The following PHACTR2 variants were observed in gnomAD, a reference collection of about 807,000 sequenced individuals.
The protein encoded by PHACTR2 is phosphatase and actin regulator 2, also known as chromosome 6 open reading frame 56.
In PHACTR2, 30 loss-of-function variants were observed where a neutral mutation model predicts 76.0. The observed-to-expected ratio is 0.39, with a 90% CI of 0.30 to 0.54. PHACTR2 has a LOEUF of 0.54. Ranked by LOEUF, PHACTR2 falls within the 20% of genes least tolerant of loss-of-function variation. The pLI is 0.61. For missense variants in PHACTR2, 696 were observed against 781.1 expected (o/e 0.89, Z 1.30); for synonymous variants, 292 against 292.5 (o/e 1.00, Z 0.02).
upstream of PHACTR2, chr6:143,608,161 G>A (rs188267455): frequency 1.2e-5 from 9 of 739,538 alleles, no homozygotes; most frequent in Non-Finnish European, 2.2e-5. This position sits in a 1 kb window ranked among gnomAD's most constrained non-coding sequence, Gnocchi z 4.6. Flanking sequence ...TAAATTTCCT[G>A]GCGGTGTCTC....
Position 143,727,714 on chromosome 6 carries a change from T to C in PHACTR2, c.214+15531T>C, listed in dbSNP as rs528861868. Among the ~76,000 whole-genome samples, 6 of 152,318 alleles carry C rather than the reference T, an allele frequency of 3.9e-5. No homozygotes were observed. In the East Asian group the frequency reaches 1.2e-3, roughly 29 times the overall value. ...TTTGCATTTCCCTGATGATTAGTGG[T>C]TTTTTCATATACCTGTTTGCCATTT... is the stretch of plus-strand genomic sequence containing the variant. On this transcript the variant is annotated intron_variant, in intron 2 of 12. Coordinates refer to ENST00000440869, the MANE Select transcript of PHACTR2 (RefSeq NM_001100164.2).
chr6:143,610,934 G>T lies in PHACTR2; in HGVS notation c.13+2612G>T, dbSNP rs1277704005. Among the ~76,000 whole-genome samples, 2 of 151,772 alleles carry T rather than the reference G, an allele frequency of 1.3e-5. No individual in the cohort carries two copies. Among genetic ancestry groups the T allele is most frequent in the African/African-American group, 4.8e-5 (2 of 41,264 alleles). On this transcript the variant is annotated intron_variant, in intron 1 of 11. Coordinates refer to the PHACTR2 transcript ENST00000305766. This position sits in a 1 kb window ranked among gnomAD's most constrained non-coding sequence, Gnocchi z 4.9. ...TTCAAATGGCTATTTCTTCTTAGAAGTTATATAACAAGTCAAATAGATGGT... is the reference window on the plus strand; with the variant it reads ...TTCAAATGGCTATTTCTTCTTAGAATTTATATAACAAGTCAAATAGATGGT...
chr6:143,714,118 T>G (rs1384131573), intron 2 of PHACTR2, among the ~76,000 whole-genome samples: 1 of 152,246 alleles, frequency 6.6e-6, no homozygotes, highest in Non-Finnish European at 1.5e-5. Flanking sequence ...TATTTTCTTC[T>G]TTAAAAAATT....
Position 143,730,158 on chromosome 6 carries a change from A to G in PHACTR2, c.214+17975A>G, listed in dbSNP as rs1778669253. On this transcript the variant is annotated intron_variant, in intron 2 of 12. Transcript: ENST00000440869. The surrounding 1 kb of genome is among the most constrained non-coding windows in gnomAD (Gnocchi z 4.8). ...AACTAATCTAGTTTGTTTGGCTTTC[A>G]TTTAAATTTTAGAACCAACTTGTTT... is the stretch of plus-strand genomic sequence containing the variant. 1.3e-5 allele frequency among the ~76,000 whole-genome samples: 2 copies of G among 152,062 alleles called. No individual in the cohort carries two copies. Among genetic ancestry groups the G allele is most frequent in the South Asian group, 4.1e-4 (2 of 4,830 alleles).
chr6:143,780,398 T>A lies in PHACTR2; in HGVS notation c.1646-2821T>A, dbSNP rs574080985. On this transcript the variant is annotated intron_variant, in intron 9 of 12. Transcript: ENST00000440869. The surrounding 1 kb of genome is among the most constrained non-coding windows in gnomAD (Gnocchi z 4.4). ...AGGCCAAGGCAGGAGAATTGCTTGATGCCAGGAGTTTGAGACCAGCCTGGG... is the reference window on the plus strand; with the variant it reads ...AGGCCAAGGCAGGAGAATTGCTTGAAGCCAGGAGTTTGAGACCAGCCTGGG... Among the ~76,000 whole-genome samples, 5 of 152,244 alleles carry A rather than the reference T, an allele frequency of 3.3e-5. No individual in the cohort carries two copies. In the East Asian group the frequency reaches 9.6e-4, roughly 29 times the overall value.
chr6:143,620,908 C>G (rs1776142627), intron 1 of PHACTR2, among the ~76,000 whole-genome samples: 1 of 152,234 alleles, frequency 6.6e-6, no homozygotes, highest in African/African-American at 2.4e-5. Flanking sequence ...ACACAACTGT[C>G]CCCATCAGCT....
chr6:143,547,781 A>G lies in PHACTR2; in HGVS notation c.217+10574A>G, dbSNP rs1340060494. ...TGATACCTTGCGGCCAGGAACTGAT[A>G]CATTGATACATTGGTTGTGATCAAG... On this transcript the variant is annotated intron_variant, in intron 1 of 11. Coordinates refer to the PHACTR2 transcript ENST00000367584. This position sits in a 1 kb window ranked among gnomAD's most constrained non-coding sequence, Gnocchi z 4.2. Among the ~76,000 whole-genome samples, 1 of 152,218 alleles carries G rather than the reference A, an allele frequency of 6.6e-6. No homozygotes were observed. Among genetic ancestry groups the G allele is most frequent in the Non-Finnish European group, 1.5e-5 (1 of 68,038 alleles).
At position 143,789,121 on chromosome 6, in the gene PHACTR2, A is replaced by G. The variant is rs963006770; in HGVS notation, c.1845+211A>G. 4 of 421,734 alleles carry G rather than the reference A, an allele frequency of 9.5e-6. No homozygotes were observed. In the Admixed American group the frequency reaches 1.1e-4, roughly 11 times the overall value. 26.1% of individuals were successfully genotyped at this position (421,734 alleles called of 1,614,324 possible). A position where few individuals can be genotyped will look rare whatever the true frequency, so the allele number is the denominator to read the frequency against. On this transcript the variant is annotated intron_variant, in intron 11 of 12. Coordinates refer to ENST00000440869, the MANE Select transcript of PHACTR2 (RefSeq NM_001100164.2). The surrounding 1 kb of genome is among the most constrained non-coding windows in gnomAD (Gnocchi z 5.1). Reference sequence around the variant, plus strand: ...AAGTCTCAGAGAAAAGTAGTTATTTACCATATAACCTACCTGCTTTCATAC... The same window carrying G: ...AAGTCTCAGAGAAAAGTAGTTATTTGCCATATAACCTACCTGCTTTCATAC...
Position 143,774,121 on chromosome 6 carries a change from T to C in PHACTR2, c.1495T>C (p.Ser499Pro). The C allele has an allele frequency of 6.2e-7, 1 of 1,613,844 alleles. No homozygotes were observed. Among genetic ancestry groups the C allele is most frequent in the Non-Finnish European group, 8.5e-7 (1 of 1,179,742 alleles). ...TLAIKLGNRP[S>P]KKELEDKNIL... Reference sequence around the variant, plus strand: ...TGCTATCAAACTTGGCAACAGACCATCTAAGAAAGAACTAGAGGACAAAAA... The same window carrying C: ...TGCTATCAAACTTGGCAACAGACCACCTAAGAAAGAACTAGAGGACAAAAA... Residue 499 changes from serine to proline, a missense_variant, in exon 8 of 13, where the codon TCT (serine) becomes CCT (proline). Ser to Pro is a moderately conservative substitution (Grantham distance 74, BLOSUM62 -1). This residue lies in a region of PHACTR2 where 236 missense variants were observed against 330.2 expected (regional missense o/e 0.71). Coordinates refer to ENST00000440869, the MANE Select transcript of PHACTR2 (RefSeq NM_001100164.2). This position sits in a 1 kb window ranked among gnomAD's most constrained non-coding sequence, Gnocchi z 5.4.
At position 143,760,301 on chromosome 6, in the gene PHACTR2, A is replaced by C; in HGVS notation, c.455-100A>C. On this transcript the variant is annotated intron_variant, in intron 4 of 12. Coordinates refer to ENST00000440869, the MANE Select transcript of PHACTR2 (RefSeq NM_001100164.2). This position sits in a 1 kb window ranked among gnomAD's most constrained non-coding sequence, Gnocchi z 6.4. ...AACTCCATGCTGATTCTCAAGTACC[A>C]AGCAGACACGCTTTGTGTCACTATC... The C allele has an allele frequency of 9.3e-7, 1 of 1,075,302 alleles. No individual in the cohort carries two copies. Among genetic ancestry groups the C allele is most frequent in the Non-Finnish European group, 1.3e-6 (1 of 742,964 alleles). 66.6% of individuals were successfully genotyped at this position (1,075,302 alleles called of 1,614,324 possible).
intron 1 of PHACTR2, among the ~76,000 whole-genome samples, chr6:143,632,986 C>A (rs923755742): frequency 4.6e-5 from 7 of 152,302 alleles, no homozygotes; most frequent in Middle Eastern, 3.4e-3. Flanking sequence ...GGACATACCA[C>A]ATTTTATTTA....
Position 143,783,476 on chromosome 6 carries a change from C to T in PHACTR2, c.1707+196C>T, listed in dbSNP as rs1410357162. ...CTCTACAAAAAATAAAAAAATTAGCCGGCATGGTGGCACATGCCTGTAGTT... is the reference window on the plus strand; with the variant it reads ...CTCTACAAAAAATAAAAAAATTAGCTGGCATGGTGGCACATGCCTGTAGTT... On this transcript the variant is annotated intron_variant, in intron 10 of 12. Transcript: ENST00000440869. The surrounding 1 kb of genome is among the most constrained non-coding windows in gnomAD (Gnocchi z 5.2). Among the ~76,000 whole-genome samples, 1 of 151,920 alleles carries T rather than the reference C, an allele frequency of 6.6e-6. No individual in the cohort carries two copies. The highest frequency in any genetic ancestry group is 6.6e-5 in the Admixed American group (1 of 15,242).
rs150288677 is a variant in PHACTR2, at chr6:143,706,612, T to A, written c.47-5404T>A. On this transcript the variant is annotated intron_variant, in intron 1 of 12. Coordinates refer to ENST00000440869, the MANE Select transcript of PHACTR2 (RefSeq NM_001100164.2). ...ATCCCAATATACATGTTCAGCAGTTTCAGAATTTTTAACCTGCACCCCGTG... is the reference window on the plus strand; with the variant it reads ...ATCCCAATATACATGTTCAGCAGTTACAGAATTTTTAACCTGCACCCCGTG... Among the ~76,000 whole-genome samples the A allele has an allele frequency of 7.6e-4, 116 of 152,322 alleles. 2 individuals carry two copies. Among genetic ancestry groups the A allele is most frequent in the African/African-American group, 2.7e-3 (113 of 41,568 alleles).
At position 143,653,216 on chromosome 6, in the gene PHACTR2, T is replaced by C. The variant is rs1776793998; in HGVS notation, c.13+44894T>C. Among the ~76,000 whole-genome samples, 1 of 152,190 alleles carries C rather than the reference T, an allele frequency of 6.6e-6. No homozygotes were observed. ...CAGGAAGCAATTTGTGCATCGAGACTCGAGCTGCTTTGGAGTTTCCCTCTG... is the reference window on the plus strand; with the variant it reads ...CAGGAAGCAATTTGTGCATCGAGACCCGAGCTGCTTTGGAGTTTCCCTCTG... On this transcript the variant is annotated intron_variant, in intron 1 of 11. Transcript: ENST00000305766. The surrounding 1 kb of genome is among the most constrained non-coding windows in gnomAD (Gnocchi z 4.9).
chr6:143,817,228 GA>G (rs1460584991), intron 12 of PHACTR2, among the ~76,000 whole-genome samples: 1 of 152,302 alleles, frequency 6.6e-6, no homozygotes, highest in African/African-American at 2.4e-5. Context: ...AAGATTAGAT[GA>G]ACATCTGAAG....
chr6:143,703,349 T>C (rs1308126355), intron 1 of PHACTR2, among the ~76,000 whole-genome samples: 4 of 152,146 alleles, frequency 2.6e-5, no homozygotes, highest in Non-Finnish European at 5.9e-5. Flanking sequence ...ATTTACATTC[T>C]GTCTGTATGC....
At chr6:143,609,519 A>C (rs1326601164) in intron 1 of PHACTR2, among the ~76,000 whole-genome samples, 1 of 152,174 alleles carries the variant, frequency 6.6e-6, no homozygotes, top group Non-Finnish European at 1.5e-5. Flanking sequence ...TTATACCCCC[A>C]TTCTGGTCAT....
intron 1 of PHACTR2, among the ~76,000 whole-genome samples, chr6:143,538,981 T>G (rs1342349216): frequency 6.6e-6 from 1 of 152,224 alleles, no homozygotes; most frequent in African/African-American, 2.4e-5. Context: ...TTTGATTGAT[T>G]TCTACAAAGA....
rs912866008 is a variant in PHACTR2, at chr6:143,599,280, A to G, written c.217+62073A>G. On this transcript the variant is annotated intron_variant, in intron 1 of 11. Transcript: ENST00000367584. The surrounding 1 kb of genome is among the most constrained non-coding windows in gnomAD (Gnocchi z 4.6). ...GGCAAGTGTACTTTCGTAGGAGAAA[A>G]CTAAACTTTCATTAGGCTATTTAAG... Among the ~76,000 whole-genome samples, 1 of 152,230 alleles carries G rather than the reference A, an allele frequency of 6.6e-6. No homozygotes were observed. The highest frequency in any genetic ancestry group is 1.5e-5 in the Non-Finnish European group (1 of 68,040).
Sources: allele counts gnomAD v4.1 joint callset (sites outside exome capture counted in the v4.1 genomes callset), GRCh38; gene constraint gnomAD v4.1.1; regional missense constraint gnomAD v4.1.1; non-coding constraint Gnocchi (gnomAD v3.1); transcripts MANE v1.5; gene names NCBI Gene and HGNC (gene_info 2026-07-23, HGNC 2026-07-21).